ADAM22: variants seen among roughly 807,000 people sequenced by gnomAD.
The protein encoded by ADAM22 is ADAM metallopeptidase domain 22, also known as disintegrin and metalloproteinase domain-containing protein 22.
A neutral mutation model predicts 144.6 loss-of-function variants in ADAM22; 65 were observed. The ratio of observed to expected loss-of-function variants is 0.45; its 90% CI spans 0.37 to 0.55. The LOEUF (loss-of-function observed/expected upper bound fraction) is 0.55, where lower values mean the gene tolerates loss of function less well. ADAM22 is among the 20% of genes least tolerant of loss of function. ADAM22 has a pLI of 0.00. For synonymous variants in ADAM22, 391 were observed against 412.6 expected (o/e 0.95, Z 0.63); for missense variants, 974 against 1,184.9 (o/e 0.82, Z 2.61).
In ADAM22 at chr7:88,155,972, T is replaced by G; in HGVS notation, c.1873T>G (p.Leu625Val). 2.5e-6 allele frequency: 4 copies of G among 1,613,064 alleles called. No individual in the cohort carries two copies. The highest frequency in any genetic ancestry group is 3.4e-6 in the Non-Finnish European group (4 of 1,179,298). The change falls in exon 22 of 32, where the codon TTA becomes GTA. Residue 625 changes from leucine (L) to valine (V), a missense_variant. Coordinates refer to ENST00000413139, the MANE Select transcript of ADAM22 (RefSeq NM_001324418.2). The stretch of plus-strand genomic sequence containing the variant: ...ACTCGATGGTGAAATCACATCTACT[T>G]TAGTTGTGCAGCAAGGAAGAACATT... ...GELDGEITST[L>V]VVQQGRTLNC...
chr7:88,144,771 T>A (rs2129522853), intron 15 of ADAM22, among the ~76,000 whole-genome samples: 2 of 152,270 alleles, frequency 1.3e-5, no homozygotes, highest in East Asian at 3.9e-4. Flanking sequence ...CAAATTCCCC[T>A]GCTTCCAGTT....
intron 14 of ADAM22, among the ~76,000 whole-genome samples, chr7:88,136,712 A>T (rs1230741647): frequency 6.6e-6 from 1 of 151,848 alleles, no homozygotes; most frequent in East Asian, 1.9e-4. Flanking sequence ...ACTGAGTATA[A>T]ATTCGGTTCA....
chr7:88,024,483 G>A (rs1173992125), intron 3 of ADAM22, among the ~76,000 whole-genome samples: 1 of 151,994 alleles, frequency 6.6e-6, no homozygotes, highest in African/African-American at 2.4e-5. Flanking sequence ...CCATTTGTAT[G>A]TCTTCTTTGG....
intron 3 of ADAM22, among the ~76,000 whole-genome samples, chr7:87,996,638 A>C (rs1378157786): frequency 6.6e-6 from 1 of 152,226 alleles, no homozygotes; most frequent in East Asian, 1.9e-4. Flanking sequence ...GATCAGTGCA[A>C]GAGTTCATAT....
chr7:88,002,980 T>C (rs1466392543), intron 3 of ADAM22, among the ~76,000 whole-genome samples: 1 of 152,238 alleles, frequency 6.6e-6, no homozygotes, highest in African/African-American at 2.4e-5. Context: ...GTCAGAAATG[T>C]ATATGTTATT....
chr7:87,940,401 T>C (rs1166559470), intron 2 of ADAM22, among the ~76,000 whole-genome samples: 2 of 152,180 alleles, frequency 1.3e-5, no homozygotes, highest in African/African-American at 2.4e-5. Flanking sequence ...TACAATGATA[T>C]AAACCACATT....
intron 29 of ADAM22, 110 bp downstream of exon 29, chr7:88,182,134 G>A (rs1178269989): frequency 2.0e-6 from 2 of 1,000,436 alleles, no homozygotes; most frequent in Non-Finnish European, 2.9e-6. Flanking sequence ...TCCGGTCTTG[G>A]TTTTGTCTTT....
At chr7:87,995,572 C>G (rs1310993903) in intron 3 of ADAM22, among the ~76,000 whole-genome samples, 1 of 152,142 alleles carries the variant, frequency 6.6e-6, no homozygotes. Flanking sequence ...GCGGCATCAT[C>G]GTGGGAAACT....
chr7:88,002,265 A>T (rs540691206), intron 3 of ADAM22, among the ~76,000 whole-genome samples: 50 of 152,228 alleles, frequency 3.3e-4, no homozygotes, highest in African/African-American at 1.2e-3. Context: ...TCATTTCAGT[A>T]GGGAGGACTG....
intron 3 of ADAM22, among the ~76,000 whole-genome samples, chr7:88,048,629 T>C (rs1348637064): frequency 3.3e-5 from 5 of 152,166 alleles, no homozygotes; most frequent in African/African-American, 2.4e-5. Flanking sequence ...CTTCCTAATA[T>C]ACCATTTCCA....
chr7:88,157,046 CAGAA>C (rs1312095899), intron 22 of ADAM22, among the ~76,000 whole-genome samples: 1 of 151,616 alleles, frequency 6.6e-6, no homozygotes, highest in African/African-American at 2.4e-5. Context: ...AGGGAACATT[CAGAA>C]AGAAAAAATT....
chr7:88,143,189 A>C, intron 15 of ADAM22, 64 bp downstream of exon 15: 3 of 1,161,212 alleles, frequency 2.6e-6, no homozygotes, highest in Non-Finnish European at 3.8e-6. Flanking sequence ...TATTACAAAT[A>C]CACATTTTCA....
At chr7:88,124,371 T>C (rs1829968347) in intron 7 of ADAM22, among the ~76,000 whole-genome samples, 1 of 152,002 alleles carries the variant, frequency 6.6e-6, no homozygotes, top group South Asian at 2.1e-4. Flanking sequence ...AATAGTTTCC[T>C]TTCTCTCAGA....
At chr7:88,101,159 T>TA (rs1305790449) in intron 4 of ADAM22, among the ~76,000 whole-genome samples, 1 of 151,948 alleles carries the variant, frequency 6.6e-6, no homozygotes, top group East Asian at 1.9e-4. Context: ...GCGCAGTTGG[T>TA]ATGGGGTGAG....
chr7:88,076,258 G>A (rs529538463), intron 4 of ADAM22, among the ~76,000 whole-genome samples: 3 of 152,018 alleles, frequency 2.0e-5, no homozygotes, highest in Non-Finnish European at 2.9e-5. Flanking sequence ...GGCTGGTCTC[G>A]AACTTCAGAC....
intron 27 of ADAM22, among the ~76,000 whole-genome samples, chr7:88,179,876 G>T (rs908208518): frequency 6.6e-6 from 1 of 152,114 alleles, no homozygotes; most frequent in African/African-American, 2.4e-5. Flanking sequence ...ATTTAAAGTT[G>T]CCAATAAGAG....
At chr7:88,068,794 C>T (rs1405481403) in intron 3 of ADAM22, among the ~76,000 whole-genome samples, 1 of 152,070 alleles carries the variant, frequency 6.6e-6, no homozygotes, top group Non-Finnish European at 1.5e-5. Context: ...ACATGATTCT[C>T]CTCCACATGG....
chr7:88,002,629 A>G (rs1476581582), intron 3 of ADAM22, among the ~76,000 whole-genome samples: 1 of 152,246 alleles, frequency 6.6e-6, no homozygotes, highest in East Asian at 1.9e-4. Flanking sequence ...AGAAAGAATC[A>G]TATTTCAAAG....
At chr7:88,081,354 G>T (rs1585533254) in intron 4 of ADAM22, among the ~76,000 whole-genome samples, 1 of 152,070 alleles carries the variant, frequency 6.6e-6, no homozygotes, top group Admixed American at 6.5e-5. Context: ...AATAATAAGA[G>T]CTATCTATAA....
Sources: gnomAD v4.1 joint callset for allele counts (sites outside exome capture counted in the v4.1 genomes callset) on GRCh38, gnomAD v4.1.1 for gene constraint, MANE v1.5 for transcripts, NCBI Gene and HGNC (gene_info 2026-07-23, HGNC 2026-07-21) for gene names.